The following LILRB4 variants were observed in gnomAD, a reference collection of about 807,000 sequenced individuals.
The protein encoded by LILRB4 is leukocyte immunoglobulin like receptor B4, also known as leukocyte immunoglobulin-like receptor subfamily B member 4.
Under a neutral mutation model 55.2 loss-of-function variants are expected in LILRB4, and 49 were observed. The ratio of observed to expected loss-of-function variants is 0.89; its 90% confidence interval spans 0.71 to 1.13. The LOEUF is 1.13. LILRB4 is among the 50% of genes most tolerant of loss of function. The pLI, the probability that LILRB4 is intolerant of heterozygous loss-of-function variation, is 0.00. For synonymous variants in LILRB4, 229 were observed against 213.8 expected (o/e 1.07, Z -0.62); for missense variants, 590 against 555.2 (o/e 1.06, Z -0.63).
chr19:54,663,768 C>A, exon 3 of LILRB4: 1 of 1,614,042 alleles, frequency 6.2e-7, no homozygotes, highest in South Asian at 1.1e-5. Context: ...CCTCCCCAAA[C>A]CCACCCTCTG....
At chr19:54,667,073 T>C (rs1005566866) in intron 10 of LILRB4, 112 of 628,800 alleles carry the variant, frequency 1.8e-4, no homozygotes, top group African/African-American at 1.7e-3. Flanking sequence ...ATCTAGTGAG[T>C]GTTCCCAGGG....
At chr19:54,663,945 A>G (rs764964623) in exon 3 of LILRB4, 36 of 1,614,038 alleles carry the variant, frequency 2.2e-5, no homozygotes, top group Admixed American at 1.7e-5. Flanking sequence ...CATCCCATCC[A>G]TGACAGAGGA....
chr19:54,666,881 C>A lies in LILRB4; in HGVS notation c.1041+132C>A. ...GACCCCTCCTTGTCCAGCACGCTGC[C>A]TCCTGCCTGCTGGGACCTCACTCTC... On this transcript the variant is annotated intron_variant, in intron 10 of 11. Coordinates refer to ENST00000430952, the Ensembl canonical transcript of LILRB4. This position sits in a 1 kb window ranked among gnomAD's most constrained non-coding sequence, Gnocchi z 4.8. 1 of 924,898 alleles carries A rather than the reference C, an allele frequency of 1.1e-6. No individual in the cohort carries two copies. Among genetic ancestry groups the A allele is most frequent in the Non-Finnish European group, 1.8e-6 (1 of 552,422 alleles). The allele number at this position is 924,898 out of a possible 1,614,324, so 57.3% of individuals were successfully genotyped here.
At position 54,663,578 on chromosome 19, in the gene LILRB4, C is replaced by T; in HGVS notation, c.70+11C>T. ...CCCACATGCAGGCAGGTGAGTCTGT[C>T]CCCAGCTGTCCCAGGTCCCTCCTCC... On this transcript the variant is annotated intron_variant, in intron 2 of 11. Coordinates refer to ENST00000430952, the Ensembl canonical transcript of LILRB4. 6.2e-7 allele frequency: 1 copy of T among 1,613,188 alleles called. No individual in the cohort carries two copies. The highest frequency in any genetic ancestry group is 8.5e-7 in the Non-Finnish European group (1 of 1,179,942).
chr19:54,668,020 T>C (rs764300740), exon 12 of LILRB4: 19 of 1,613,718 alleles, frequency 1.2e-5, no homozygotes, highest in Non-Finnish European at 1.5e-5. Flanking sequence ...CATCCACTAA[T>C]CCAGGGGGGA....
In LILRB4 at chr19:54,667,809, T is replaced by C. The variant is rs1599935900; in HGVS notation, c.1197+16T>C. 1 of 1,610,012 alleles carries C rather than the reference T, an allele frequency of 6.2e-7. No homozygotes were observed. The highest frequency in any genetic ancestry group is 1.4e-5 in the African/African-American group (1 of 73,444). On this transcript the variant is annotated intron_variant, in intron 11 of 11. Coordinates refer to ENST00000430952, the Ensembl canonical transcript of LILRB4. The stretch of plus-strand genomic sequence containing the variant: ...GGACACTGAGGTGAGTCCTTTCCTC[T>C]CCAGGCCCCCAGGCCTCCCCCACCC...
chr19:54,666,533 G>A lies in LILRB4; in HGVS notation c.988+97G>A, dbSNP rs1036006183. On this transcript the variant is annotated intron_variant, in intron 9 of 11. Coordinates refer to ENST00000430952, the Ensembl canonical transcript of LILRB4. The surrounding 1 kb of genome is among the most constrained non-coding windows in gnomAD (Gnocchi z 4.8). ...AGGAGCACAGGCTAGGATTGGTCAG[G>A]GACTCAGGGAGAAGTGGTCTGAACC... 9 of 1,506,866 alleles carry A rather than the reference G, an allele frequency of 6.0e-6. No individual in the cohort carries two copies. Among genetic ancestry groups the A allele is most frequent in the Non-Finnish European group, 6.4e-6 (7 of 1,094,282 alleles). 93.3% of individuals were successfully genotyped at this position (1,506,866 alleles called of 1,614,324 possible). A position where few individuals can be genotyped will look rare whatever the true frequency, so the allele number is the denominator to read the frequency against.
chr19:54,666,306 T>C lies in LILRB4; in HGVS notation c.941T>C (p.Leu314Pro). 6.2e-7 allele frequency: 1 copy of C among 1,610,202 alleles called. No individual in the cohort carries two copies. The highest frequency in any genetic ancestry group is 8.5e-7 in the Non-Finnish European group (1 of 1,177,930). The change falls in exon 8 of 12, where the codon CTA becomes CCA. Residue 314 changes from leucine to proline, a missense_variant. By Grantham distance (98) the Leu-to-Pro change is moderately conservative. Transcript: ENST00000430952. The surrounding 1 kb of genome is among the most constrained non-coding windows in gnomAD (Gnocchi z 4.8). ...GAGCCAGAGCCCAAGGACGGGGGCC[T>C]ACAGAGGAGGTAATTCTGCCCAAAG...
chr19:54,664,090 G>A, intron 3 of LILRB4, 52 bp downstream of exon 3: 1 of 1,604,482 alleles, frequency 6.2e-7, no homozygotes, highest in Non-Finnish European at 8.5e-7. Context: ...CAGGAAGGGG[G>A]TCAGCTCTCA....
rs368686642 is a variant in LILRB4 at position 54,664,045 on chromosome 19, G to A, written c.355+7G>A. The A allele has an allele frequency of 1.3e-6, 2 of 1,598,712 alleles. No homozygotes were observed. The highest frequency in any genetic ancestry group is 2.7e-5 in the African/African-American group (2 of 73,282). ...CTGGAGCTGGTGATGACAGGTGAGAGGACACTCAGGGGTCCCAGCCCCAGG... is the reference window on the plus strand; with the variant it reads ...CTGGAGCTGGTGATGACAGGTGAGAAGACACTCAGGGGTCCCAGCCCCAGG... On this transcript the variant is annotated splice_region_variant and intron_variant, in intron 3 of 11. Coordinates refer to ENST00000430952, the Ensembl canonical transcript of LILRB4.
rs1323074282 is a variant in LILRB4 at position 54,665,567 on chromosome 19, A to T, written c.758-248A>T. Among the ~76,000 whole-genome samples, 3 of 151,336 alleles carry T rather than the reference A, an allele frequency of 2.0e-5. No homozygotes were observed. Among genetic ancestry groups the T allele is most frequent in the African/African-American group, 7.3e-5 (3 of 41,092 alleles). On this transcript the variant is annotated intron_variant, in intron 6 of 11. Coordinates refer to ENST00000430952, the Ensembl canonical transcript of LILRB4. This position sits in a 1 kb window ranked among gnomAD's most constrained non-coding sequence, Gnocchi z 5.5. ...TGCAGGAACAAGGGCTGCAGCTCAGACTCCCGGGTTTCCTTCCCAGCTCTG... is the reference window on the plus strand; with the variant it reads ...TGCAGGAACAAGGGCTGCAGCTCAGTCTCCCGGGTTTCCTTCCCAGCTCTG...
intron 2 of LILRB4, 72 bp from the exon 3 acceptor site, chr19:54,663,682 G>C (rs548352811): frequency 2.5e-6 from 4 of 1,607,926 alleles, no homozygotes; most frequent in East Asian, 4.5e-5. Context: ...ATGACGGGGG[G>C]GTCCTGGGGC....
chr19:54,663,558 A>G (rs765685566), exon 2 of LILRB4: 7 of 1,612,998 alleles, frequency 4.3e-6, no homozygotes, highest in Non-Finnish European at 5.1e-6. Context: ...CAGGACCCAC[A>G]TGCAGGCAGG....
chr19:54,665,653 C>T lies in LILRB4; in HGVS notation c.758-162C>T, dbSNP rs375145895. On this transcript the variant is annotated intron_variant, in intron 6 of 11. Transcript: ENST00000430952. This position sits in a 1 kb window ranked among gnomAD's most constrained non-coding sequence, Gnocchi z 5.5. Reference sequence around the variant, plus strand: ...TCCCCTCTCTGAGCCTCAGTTTGTGCATCTGTGAAATGGGTGGAGAGAGGG... The same window carrying T: ...TCCCCTCTCTGAGCCTCAGTTTGTGTATCTGTGAAATGGGTGGAGAGAGGG... 79 of 952,652 alleles carry T rather than the reference C, an allele frequency of 8.3e-5. No homozygotes were observed. The African/African-American group carries it at 1.1e-3, about 14-fold the overall frequency. 59.0% of individuals were successfully genotyped at this position (952,652 alleles called of 1,614,324 possible).
chr19:54,665,463 C>A lies in LILRB4; in HGVS notation c.757+283C>A, dbSNP rs192494172. 6.6e-6 allele frequency among the ~76,000 whole-genome samples: 1 copy of A among 151,642 alleles called. No individual in the cohort carries two copies. Among genetic ancestry groups the A allele is most frequent in the South Asian group, 2.1e-4 (1 of 4,786 alleles). ...GTCCCACCTGCAGCAGAGACGGTGA[C>A]CTGGGGCAGGGGAGGGGAGCAGGGC... is the stretch of plus-strand genomic sequence containing the variant. On this transcript the variant is annotated intron_variant, in intron 6 of 11. Transcript: ENST00000430952. The surrounding 1 kb of genome is among the most constrained non-coding windows in gnomAD (Gnocchi z 5.5).
rs2065221987 is a variant in LILRB4 at position 54,665,417 on chromosome 19, G to A, written c.757+237G>A. 6.6e-6 allele frequency among the ~76,000 whole-genome samples: 1 copy of A among 152,076 alleles called. No individual in the cohort carries two copies. The highest frequency in any genetic ancestry group is 1.5e-5 in the Non-Finnish European group (1 of 68,010). On this transcript the variant is annotated intron_variant, in intron 6 of 11. Transcript: ENST00000430952. The surrounding 1 kb of genome is among the most constrained non-coding windows in gnomAD (Gnocchi z 5.5). ...GCCTCCCAGGGAACCTCCCAGACCC[G>A]ATTCCGCAGGGGCCTGTCCGGTCCC... is the stretch of plus-strand genomic sequence containing the variant.
Position 54,666,374 on chromosome 19 carries a change from C to T in LILRB4, c.951-25C>T. 6.2e-7 allele frequency: 1 copy of T among 1,613,486 alleles called. No individual in the cohort carries two copies. On this transcript the variant is annotated intron_variant, in intron 8 of 11. Transcript: ENST00000430952. The surrounding 1 kb of genome is among the most constrained non-coding windows in gnomAD (Gnocchi z 4.8). ...ATCCCAACAGCCACCTCACTGTCCC[C>T]TTACACTCCCGTATCCTCCCCCAGG...
rs552532364 is a variant in LILRB4 at position 54,667,424 on chromosome 19, C to T, written c.1042-214C>T. 6,313 of 1,039,040 alleles carry T rather than the reference C, an allele frequency of 6.1e-3. 61 individuals carry two copies. The highest frequency in any genetic ancestry group is 0.037 in the African/African-American group (2,117 of 57,866). The allele number at this position is 1,039,040 out of a possible 1,614,324, so 64.4% of individuals were successfully genotyped here. A position where few individuals can be genotyped will look rare whatever the true frequency, so the allele number is the denominator to read the frequency against. ...GCAGCGAGCTCTTGCAGGAAGGCCG[C>T]GTGAGGCTGCAGCCAAATGGGCAAG... On this transcript the variant is annotated intron_variant, in intron 10 of 11. Transcript: ENST00000430952.
intron 1 of LILRB4, 112 bp downstream of exon 1, chr19:54,663,179 G>C (rs1190259296): frequency 2.4e-6 from 3 of 1,240,308 alleles, no homozygotes; most frequent in Middle Eastern, 2.6e-4. Context: ...GGGCGCGGTG[G>C]CTCACGCCTG....
Sources: gnomAD v4.1 joint callset for allele counts (sites outside exome capture counted in the v4.1 genomes callset) on GRCh38, gnomAD v4.1.1 for gene constraint, Gnocchi (gnomAD v3.1) non-coding constraint, MANE v1.5 for transcripts, NCBI Gene and HGNC (gene_info 2026-07-23, HGNC 2026-07-21) for gene names.